GPC6: variants seen among roughly 807,000 people sequenced by gnomAD.
GPC6 encodes the protein glypican 6, also known as glypican-6.
Under a neutral mutation model 55.2 loss-of-function variants are expected in GPC6, and 14 were observed. The ratio of observed to expected loss-of-function variants is 0.25; its 90% CI spans 0.17 to 0.40. The LOEUF is 0.40. Ranked by LOEUF, GPC6 falls within the 10% of genes least tolerant of loss-of-function variation. GPC6 has a pLI of 1.00. For synonymous variants in GPC6, 278 were observed against 259.6 expected, an observed-to-expected ratio of 1.07 and a Z score of -0.68; for missense variants, 641 against 708.5, an observed-to-expected ratio of 0.90 and a Z score of 1.08.
At chr13:93,844,180 C>A (rs1888072866) in intron 3 of GPC6, among the ~76,000 whole-genome samples, 1 of 152,002 alleles carries the variant, frequency 6.6e-6, no homozygotes, top group Non-Finnish European at 1.5e-5. Context: ...CGCTCTGTCA[C>A]CAGGCTGGAG....
At chr13:94,226,498 A>G (rs1469995579) in intron 4 of GPC6, among the ~76,000 whole-genome samples, 1 of 152,200 alleles carries the variant, frequency 6.6e-6, no homozygotes, top group Non-Finnish European at 1.5e-5. Context: ...GATTTTATCA[A>G]TACACCATGT....
intron 2 of GPC6, among the ~76,000 whole-genome samples, chr13:93,557,530 C>T (rs1875544316): frequency 6.6e-6 from 1 of 152,124 alleles, no homozygotes. Context: ...ACCACTAGTC[C>T]AAGGTTTACT....
intron 3 of GPC6, among the ~76,000 whole-genome samples, chr13:94,020,417 C>A (rs922507582): frequency 6.6e-6 from 1 of 152,148 alleles, no homozygotes; most frequent in Non-Finnish European, 1.5e-5. Flanking sequence ...TGAAATTTAT[C>A]AGTCTCTTTC....
At chr13:93,701,582 A>G (rs1222683044) in intron 2 of GPC6, among the ~76,000 whole-genome samples, 6 of 152,036 alleles carry the variant, frequency 3.9e-5, no homozygotes, top group African/African-American at 1.4e-4. Flanking sequence ...TAATTTTCAC[A>G]AATCTTTCAC....
chr13:93,822,299 C>A (rs1887076277), intron 2 of GPC6, among the ~76,000 whole-genome samples: 1 of 152,046 alleles, frequency 6.6e-6, no homozygotes. Flanking sequence ...TAGTGATAAT[C>A]CCAGGTTCTG....
At chr13:93,741,823 C>T (rs2138850239) in intron 2 of GPC6, among the ~76,000 whole-genome samples, 1 of 152,250 alleles carries the variant, frequency 6.6e-6, no homozygotes, top group Admixed American at 6.5e-5. Context: ...TATACACATC[C>T]CTAATTCTCC....
At chr13:93,786,246 A>T (rs1885811358) in intron 2 of GPC6, among the ~76,000 whole-genome samples, 1 of 152,162 alleles carries the variant, frequency 6.6e-6, no homozygotes, top group African/African-American at 2.4e-5. Context: ...AATGAAGCGA[A>T]AACACTGTCC....
At chr13:93,339,810 T>C (rs1880178059) in intron 1 of GPC6, among the ~76,000 whole-genome samples, 1 of 152,070 alleles carries the variant, frequency 6.6e-6, no homozygotes, top group African/African-American at 2.4e-5. Context: ...TCAAAAAAGC[T>C]CTGCTTTTTA....
intron 4 of GPC6, among the ~76,000 whole-genome samples, chr13:94,169,021 G>C (rs7986832): frequency 0.081 from 12,316 of 152,156 alleles, 578 homozygotes; most frequent in Middle Eastern, 0.22. Flanking sequence ...TTTCGTAAGA[G>C]GCTTAGGCAA....
At chr13:93,406,584 A>G (rs1876297618) in intron 1 of GPC6, among the ~76,000 whole-genome samples, 1 of 152,216 alleles carries the variant, frequency 6.6e-6, no homozygotes, top group African/African-American at 2.4e-5. Flanking sequence ...GTTTTAGTAG[A>G]CTAACATAAA....
At chr13:94,205,965 G>A (rs1172073741) in intron 4 of GPC6, among the ~76,000 whole-genome samples, 1 of 152,114 alleles carries the variant, frequency 6.6e-6, no homozygotes, top group African/African-American at 2.4e-5. Context: ...GTAGGGTGCT[G>A]CTGGCATCTA....
intron 3 of GPC6, among the ~76,000 whole-genome samples, chr13:94,002,403 A>C (rs911172031): frequency 7.2e-5 from 11 of 152,320 alleles, no homozygotes; most frequent in Non-Finnish European, 1.5e-4. Context: ...ATGCCTACTG[A>C]TCATGCAGCT....
chr13:93,738,548 C>T (rs531239262), intron 2 of GPC6, among the ~76,000 whole-genome samples: 2 of 152,156 alleles, frequency 1.3e-5, no homozygotes, highest in African/African-American at 4.8e-5. Context: ...AAAACAGAGC[C>T]AAAGAGATTG....
intron 2 of GPC6, among the ~76,000 whole-genome samples, chr13:93,738,660 G>C (rs939232492): frequency 5.9e-5 from 9 of 152,078 alleles, no homozygotes; most frequent in African/African-American, 2.2e-4. Context: ...TGGGGGTTTG[G>C]AGTAGGAGAG....
intron 4 of GPC6, among the ~76,000 whole-genome samples, chr13:94,240,517 CCTG>C (rs1415005842): frequency 6.6e-6 from 1 of 152,020 alleles, no homozygotes; most frequent in Non-Finnish European, 1.5e-5. Context: ...TGATTGAGTG[CCTG>C]CTTTTTGCCA....
At chr13:94,005,219 T>C (rs1010777980) in intron 3 of GPC6, among the ~76,000 whole-genome samples, 2 of 152,252 alleles carry the variant, frequency 1.3e-5, no homozygotes, top group African/African-American at 4.8e-5. Flanking sequence ...TTAAGATTAA[T>C]CTATATACAT....
chr13:93,282,454 G>C (rs1049502341), intron 1 of GPC6, among the ~76,000 whole-genome samples: 1 of 151,552 alleles, frequency 6.6e-6, no homozygotes, highest in Non-Finnish European at 1.5e-5. Context: ...AAGAGAGCAG[G>C]TATGTATTGT....
At chr13:93,366,300 G>A (rs764350536) in intron 1 of GPC6, among the ~76,000 whole-genome samples, 10 of 152,048 alleles carry the variant, frequency 6.6e-5, no homozygotes, top group Non-Finnish European at 1.2e-4. Context: ...TAGATACCTT[G>A]TAGTTTAATG....
intron 1 of GPC6, among the ~76,000 whole-genome samples, chr13:93,367,013 G>A (rs1323590911): frequency 6.6e-6 from 1 of 151,990 alleles, no homozygotes; most frequent in African/African-American, 2.4e-5. Flanking sequence ...GAATGTGCTG[G>A]TGATTACAAA....
Sources: allele counts gnomAD v4.1 joint callset (sites outside exome capture counted in the v4.1 genomes callset), GRCh38; gene constraint gnomAD v4.1.1; transcripts MANE v1.5; gene names NCBI Gene and HGNC (gene_info 2026-07-23, HGNC 2026-07-21).